The following ZC3H11A variants were observed in gnomAD, a reference collection of about 807,000 sequenced individuals.
The protein encoded by ZC3H11A is zinc finger CCCH domain-containing protein 11A.
Under a neutral mutation model 90.8 loss-of-function variants are expected in ZC3H11A, and 22 were observed. The ratio of observed to expected loss-of-function variants is 0.24; its 90% CI spans 0.17 to 0.35. The LOEUF is 0.35. Among genes scored for constraint, ZC3H11A ranks in the 10% least tolerant of loss-of-function variants. The pLI is 1.00. For missense variants in ZC3H11A, 701 were observed against 964.9 expected (o/e 0.73, Z 3.62); for synonymous variants, 294 against 339.8 (o/e 0.87, Z 1.48).
intron 2 of ZC3H11A, among the ~76,000 whole-genome samples, chr1:203,813,400 A>G (rs901339152): frequency 6.6e-6 from 1 of 151,984 alleles, no homozygotes; most frequent in Admixed American, 6.6e-5. Context: ...TTGAAAACCA[A>G]TTTATTGGTT....
intron 3 of ZC3H11A, 88 bp from the exon 4 acceptor site, chr1:203,818,482 T>A: frequency 1.9e-6 from 3 of 1,564,814 alleles, no homozygotes; most frequent in Non-Finnish European, 2.6e-6. Context: ...CATTTGTGCT[T>A]GTCTAAATTC....
chr1:203,850,288 A>C, intron 15 of ZC3H11A: 1 of 678,998 alleles, frequency 1.5e-6, no homozygotes, highest in South Asian at 1.9e-5. Flanking sequence ...AAAAACAAGG[A>C]ATAGAGGAAT....
chr1:203,797,966 G>C (rs1669197095), intron 1 of ZC3H11A: 1 of 1,535,680 alleles, frequency 6.5e-7, no homozygotes. Context: ...ACACCTGGCG[G>C]GCCATTTGTA....
chr1:203,800,416 A>G, intron 1 of ZC3H11A: 3 of 1,303,828 alleles, frequency 2.3e-6, no homozygotes, highest in Non-Finnish European at 3.2e-6. Context: ...TGGGATCCTG[A>G]GCAGAATGAA....
At position 203,829,583 on chromosome 1, in the gene ZC3H11A, C is replaced by G; in HGVS notation, c.431C>G (p.Ser144Cys). 6.2e-7 allele frequency: 1 copy of G among 1,614,090 alleles called. No individual in the cohort carries two copies. Among genetic ancestry groups the G allele is most frequent in the Non-Finnish European group, 8.5e-7 (1 of 1,180,036 alleles). The change falls in exon 6 of 18, where the codon TCC (serine) becomes TGC (cysteine). Residue 144 changes from serine to cysteine, a missense_variant. Ser to Cys is a moderately radical substitution (Grantham distance 112). Coordinates refer to ENST00000367210, the MANE Select transcript of ZC3H11A (RefSeq NM_001376342.1). ...CGGAGCGTTATGAAAGTAGAAAGTT[C>G]CGAAAATGTTCCTAGCCCCACGCAT... is the stretch of plus-strand genomic sequence containing the variant. ...QLRSVMKVES[S>C]ENVPSPTHPP...
Position 203,849,861 on chromosome 1 carries a change from G to C in ZC3H11A, c.1774G>C (p.Val592Leu). ...AGATGTAGCCTCTTGCAATACCCAA[G>C]TGGCAGAGAAACCAGTGCTCACTGC... ...RGDVASCNTQ[V>L]AEKPVLTAVP... Residue 592 changes from valine to leucine, a missense_variant, in exon 15 of 18, where the codon GTG becomes CTG. Physicochemically the swap from Val to Leu is conservative, Grantham distance 32 (BLOSUM62 1). This residue lies in a region of ZC3H11A where 530 missense variants were observed against 696.2 expected (regional missense o/e 0.76). Coordinates refer to ENST00000367210, the MANE Select transcript of ZC3H11A (RefSeq NM_001376342.1). 6.2e-6 allele frequency: 10 copies of C among 1,614,066 alleles called. No homozygotes were observed. The highest frequency in any genetic ancestry group is 8.5e-6 in the Non-Finnish European group (10 of 1,180,026).
intron 14 of ZC3H11A, 130 bp downstream of exon 14, chr1:203,848,537 A>T: frequency 1.5e-6 from 1 of 674,738 alleles, no homozygotes. Context: ...TTTTACTTAT[A>T]ATTTCTTATG....
chr1:203,799,996 G>C lies in ZC3H11A; in HGVS notation c.-1587-1579G>C, dbSNP rs1047328917. On this transcript the variant is annotated intron_variant, in intron 1 of 17. Coordinates refer to ENST00000367210, the MANE Select transcript of ZC3H11A (RefSeq NM_001376342.1). ...GCTTCTTGTCCCTCAGTTACAGTGGGAGCTGATTCATTTACCTCATCTCTA... is the reference window on the plus strand; with the variant it reads ...GCTTCTTGTCCCTCAGTTACAGTGGCAGCTGATTCATTTACCTCATCTCTA... The C allele has an allele frequency of 8.5e-6, 13 of 1,536,088 alleles. No homozygotes were observed. The Middle Eastern group carries it at 6.7e-4, about 79-fold the overall frequency.
rs762546059 is a variant in ZC3H11A at position 203,849,698 on chromosome 1, A to G, written c.1624-13A>G. The G allele has an allele frequency of 3.3e-5, 54 of 1,612,860 alleles. No homozygotes were observed. Among genetic ancestry groups the G allele is most frequent in the Admixed American group, 1.8e-4 (11 of 59,822 alleles). On this transcript the variant is annotated splice_polypyrimidine_tract_variant and intron_variant, in intron 14 of 17. Transcript: ENST00000367210. Reference sequence around the variant, plus strand: ...TACCAGATTTTAATTCTGTCATTCAAATTTATCCACAGGCTTCAGGTGAGA... The same window carrying G: ...TACCAGATTTTAATTCTGTCATTCAGATTTATCCACAGGCTTCAGGTGAGA...
At chr1:203,834,395 T>C (rs1683517073) in intron 10 of ZC3H11A, among the ~76,000 whole-genome samples, 1 of 151,912 alleles carries the variant, frequency 6.6e-6, no homozygotes, top group African/African-American at 2.4e-5. Context: ...CCCCAGCCTC[T>C]CAAGTAACTG....
chr1:203,796,709 G>C, intron 1 of ZC3H11A: 1 of 361,422 alleles, frequency 2.8e-6, no homozygotes, highest in Non-Finnish European at 4.9e-6. Context: ...CAACTTGTGA[G>C]TTACTTACAG....
intron 2 of ZC3H11A, chr1:203,805,965 G>T: frequency 1.6e-6 from 1 of 609,480 alleles, no homozygotes; most frequent in East Asian, 4.0e-5. Context: ...CCGTGGTCTT[G>T]GTATCCTTCA....
In ZC3H11A at chr1:203,852,410, G is replaced by A; in HGVS notation, c.*11G>A. The stretch of plus-strand genomic sequence containing the variant: ...ATGATTGATAGCTGAAGGTGGTAGT[G>A]AGGACACTTTAAAAAAAAAATCGCC... On this transcript the variant is annotated 3_prime_UTR_variant, in exon 18 of 18. Transcript: ENST00000367210. 6.2e-7 allele frequency: 1 copy of A among 1,610,954 alleles called. No individual in the cohort carries two copies. Among genetic ancestry groups the A allele is most frequent in the Non-Finnish European group, 8.5e-7 (1 of 1,179,006 alleles).
At chr1:203,822,635 C>A (rs1039604884) in intron 4 of ZC3H11A, among the ~76,000 whole-genome samples, 1 of 152,126 alleles carries the variant, frequency 6.6e-6, no homozygotes, top group African/African-American at 2.4e-5. Flanking sequence ...AGTATATATT[C>A]TTCATCCTAC....
At chr1:203,800,619 TA>T in intron 1 of ZC3H11A, 2 of 633,390 alleles carry the variant, frequency 3.2e-6, no homozygotes, top group South Asian at 7.0e-5. Context: ...ATAATTTTGA[TA>T]AAATGAAGAT....
chr1:203,831,814 T>C (rs756902296), intron 9 of ZC3H11A, 43 bp downstream of exon 9: 2 of 1,502,484 alleles, frequency 1.3e-6, no homozygotes, highest in Non-Finnish European at 1.8e-6. Context: ...CCTCTACTTT[T>C]ATATAATTGG....
chr1:203,816,801 G>T, intron 2 of ZC3H11A, 125 bp from the exon 3 acceptor site: 1 of 344,964 alleles, frequency 2.9e-6, no homozygotes, highest in African/African-American at 2.1e-5. Flanking sequence ...GTGTTTACAA[G>T]GCTCTGTATA....
intron 17 of ZC3H11A, among the ~76,000 whole-genome samples, chr1:203,851,464 G>A (rs974740459): frequency 1.3e-5 from 2 of 152,108 alleles, no homozygotes; most frequent in African/African-American, 4.8e-5. Flanking sequence ...CAAGTAGCTG[G>A]GATTACAGGT....
At chr1:203,809,767 A>C (rs1162473113) in intron 2 of ZC3H11A, among the ~76,000 whole-genome samples, 1 of 152,070 alleles carries the variant, frequency 6.6e-6, no homozygotes, top group Non-Finnish European at 1.5e-5. Context: ...CAATCTGGCC[A>C]ACATGGTGAA....
Sources: allele counts gnomAD v4.1 joint callset (sites outside exome capture counted in the v4.1 genomes callset), GRCh38; gene constraint gnomAD v4.1.1; regional missense constraint gnomAD v4.1.1; transcripts MANE v1.5; gene names NCBI Gene and HGNC (gene_info 2026-07-23, HGNC 2026-07-21).